PAMR1: variants seen among roughly 807,000 people sequenced by gnomAD.
PAMR1 encodes peptidase domain containing associated with muscle regeneration 1.
In PAMR1, 88 loss-of-function variants were observed where a neutral mutation model predicts 81.8. The observed-to-expected ratio is 1.08, with a 90% confidence interval of 0.91 to 1.28. The LOEUF (loss-of-function observed/expected upper bound fraction) is 1.28. Among genes scored for constraint, PAMR1 ranks in the 50% most tolerant of loss-of-function variants. The probability of loss-of-function intolerance (pLI) is 0.00; values close to 1 mark genes in which losing one functional copy is unlikely to be tolerated. For missense variants in PAMR1, 935 were observed against 919.7 expected, an observed-to-expected ratio of 1.02 and a Z score of -0.21; for synonymous variants, 336 against 345.3, an observed-to-expected ratio of 0.97 and a Z score of 0.30.
At chr11:35,479,178 G>A (rs898468911) in intron 3 of PAMR1, among the ~76,000 whole-genome samples, 6 of 152,112 alleles carry the variant, frequency 3.9e-5, no homozygotes, top group Non-Finnish European at 7.4e-5. Context: ...TTTCTTTACT[G>A]TTTCCTCTTA....
At chr11:35,505,794 T>G (rs1019278534) in intron 1 of PAMR1, among the ~76,000 whole-genome samples, 4 of 152,174 alleles carry the variant, frequency 2.6e-5, no homozygotes, top group Non-Finnish European at 5.9e-5. Flanking sequence ...GTCTTGTTTC[T>G]TATCCATTCA....
Position 35,468,144 on chromosome 11 carries a change from C to T in PAMR1, c.713-36G>A, listed in dbSNP as rs1286119790. On this transcript the variant is annotated intron_variant, in intron 5 of 10. Coordinates refer to ENST00000619888, the MANE Select transcript of PAMR1 (RefSeq NM_001001991.3). The stretch of plus-strand genomic sequence containing the variant: ...AAAGGCATCCTTCAGTGCCACTATA[C>T]ATTGAGTCGATGTCTTCAGGCCCAG... 27 of 1,324,400 alleles carry T rather than the reference C, an allele frequency of 2.0e-5. No individual in the cohort carries two copies. In the East Asian group the frequency reaches 5.6e-4, roughly 27 times the overall value. The allele number at this position is 1,324,400 out of a possible 1,614,324, so 82.0% of individuals were successfully genotyped here.
intron 6 of PAMR1, among the ~76,000 whole-genome samples, chr11:35,461,272 G>A (rs1856648199): frequency 6.6e-6 from 1 of 152,212 alleles, no homozygotes; most frequent in African/African-American, 2.4e-5. Flanking sequence ...CGTTAGCAAA[G>A]CAATGGTGGG....
chr11:35,463,470 C>G (rs1856700690), intron 6 of PAMR1, among the ~76,000 whole-genome samples: 1 of 152,204 alleles, frequency 6.6e-6, no homozygotes, highest in African/African-American at 2.4e-5. Context: ...GAAATTAGAG[C>G]AGGACGATGA....
chr11:35,445,671 G>A (rs180721566), intron 6 of PAMR1, among the ~76,000 whole-genome samples: 88 of 152,276 alleles, frequency 5.8e-4, no homozygotes, highest in African/African-American at 2.1e-3. Flanking sequence ...CTTGCATCCT[G>A]AGGATAAAGC....
At chr11:35,528,991 AGAG>A (rs1203678225), upstream of PAMR1, 2 of 152,252 alleles carry the variant, frequency 1.3e-5, no homozygotes, top group South Asian at 2.1e-4. Context: ...TGGAAGAGAA[AGAG>A]GAGAACTGTT....
intron 10 of PAMR1, 146 bp from the exon 11 acceptor site, chr11:35,433,038 G>A: frequency 1.4e-6 from 1 of 709,842 alleles, no homozygotes; most frequent in Non-Finnish European, 2.3e-6. Context: ...AGAAATCATG[G>A]AAAACAACTA....
chr11:35,525,744 C>T, upstream of PAMR1: 6 of 634,222 alleles, frequency 9.5e-6, no homozygotes, highest in Non-Finnish European at 1.7e-5. Context: ...CTGAGGGGAA[C>T]CACCTTCAGC....
intron 6 of PAMR1, among the ~76,000 whole-genome samples, chr11:35,458,671 A>G (rs1489680204): frequency 6.6e-6 from 1 of 152,206 alleles, no homozygotes; most frequent in Non-Finnish European, 1.5e-5. Flanking sequence ...CTCAATTCTT[A>G]GCATACTCTT....
intron 9 of PAMR1, 102 bp downstream of exon 9, chr11:35,435,801 A>T (rs1339147003): frequency 2.4e-6 from 2 of 818,006 alleles, no homozygotes; most frequent in Non-Finnish European, 4.1e-6. Context: ...CAAACTAGAG[A>T]AAGCACTGGA....
intron 3 of PAMR1, among the ~76,000 whole-genome samples, chr11:35,480,673 T>C (rs1287740198): frequency 6.6e-6 from 1 of 152,220 alleles, no homozygotes; most frequent in Non-Finnish European, 1.5e-5. Context: ...TTCAAATCTC[T>C]CCTGAATTTC....
chr11:35,527,544 A>G (rs1851412287), upstream of PAMR1, among the ~76,000 whole-genome samples: 1 of 152,212 alleles, frequency 6.6e-6, no homozygotes, highest in South Asian at 2.1e-4. Context: ...ACCAGAGGGC[A>G]GCATATACCT....
chr11:35,522,008 C>T (rs1282007404), intron 1 of PAMR1, among the ~76,000 whole-genome samples: 2 of 151,994 alleles, frequency 1.3e-5, no homozygotes, highest in Non-Finnish European at 2.9e-5. Flanking sequence ...CTGCAAGCTC[C>T]ACCTCCCAGG....
At chr11:35,527,927 C>T (rs1322786805), upstream of PAMR1, among the ~76,000 whole-genome samples, 1 of 152,130 alleles carries the variant, frequency 6.6e-6, no homozygotes, top group East Asian at 1.9e-4. Context: ...ATGGGGGTAA[C>T]TGTCCCCATG....
intron 3 of PAMR1, 130 bp from the exon 4 acceptor site, chr11:35,474,874 GA>G (rs1219622876): frequency 6.5e-6 from 4 of 618,638 alleles, no homozygotes; most frequent in Non-Finnish European, 1.1e-5. Flanking sequence ...AAGGAAGAAG[GA>G]AATTAATGTT....
In PAMR1 at chr11:35,432,816, T is replaced by C; in HGVS notation, c.1703A>G (p.Asp568Gly). The C allele has an allele frequency of 1.2e-6, 2 of 1,605,782 alleles. No individual in the cohort carries two copies. The highest frequency in any genetic ancestry group is 2.2e-5 in the South Asian group (2 of 91,044). The change falls in exon 11 of 11, where the codon GAC becomes GGC. Residue 568 changes from aspartate to glycine, a missense_variant. Physicochemically the swap from Asp to Gly is moderately conservative, Grantham distance 94. Transcript: ENST00000619888. ...DADIAILKLL[D>G]KARISTRVQP... ...GACTCGGGTGCTGATACGGGCCTTG[T>C]CTAGGAGCTTCAGGATGGCGATGTC...
chr11:35,492,059 C>T lies in PAMR1; in HGVS notation c.365G>A (p.Gly122Glu), dbSNP rs1850637995. 4 of 1,613,250 alleles carry T rather than the reference C, an allele frequency of 2.5e-6. No individual in the cohort carries two copies. The highest frequency in any genetic ancestry group is 3.4e-6 in the Non-Finnish European group (4 of 1,179,610). ...GGTCTACTTACGCATGCAGTCTCCTCCGTACCAGCCTGCTCGGCACTCTGC... is the reference window on the plus strand; with the variant it reads ...GGTCTACTTACGCATGCAGTCTCCTTCGTACCAGCCTGCTCGGCACTCTGC... ...YCAECRAGWY[G>E]GDCMRCGQVL... The change falls in exon 3 of 11, where the codon GGA becomes GAA. Residue 122 changes from glycine to glutamate, a missense_variant. Transcript: ENST00000619888.
chr11:35,515,717 G>C (rs2135422481), intron 1 of PAMR1, among the ~76,000 whole-genome samples: 1 of 152,286 alleles, frequency 6.6e-6, no homozygotes. Flanking sequence ...TTCAAACACA[G>C]AGAAATGAAG....
chr11:35,509,483 A>G (rs1851034781), intron 1 of PAMR1, among the ~76,000 whole-genome samples: 1 of 152,250 alleles, frequency 6.6e-6, no homozygotes, highest in Non-Finnish European at 1.5e-5. Context: ...CAACAGCAGT[A>G]GAAATTATTG....
Sources: allele counts gnomAD v4.1 joint callset (sites outside exome capture counted in the v4.1 genomes callset), GRCh38; gene constraint gnomAD v4.1.1; transcripts MANE v1.5; gene names NCBI Gene and HGNC (gene_info 2026-07-23, HGNC 2026-07-21).